The following PTPRN2 variants were observed in gnomAD, a reference collection of about 807,000 sequenced individuals.
PTPRN2 encodes receptor-type tyrosine-protein phosphatase N2.
A neutral mutation model predicts 118.8 loss-of-function variants in PTPRN2; 74 were observed. The ratio of observed to expected loss-of-function variants is 0.62; its 90% confidence interval spans 0.52 to 0.76. The LOEUF (loss-of-function observed/expected upper bound fraction) is 0.76. Ranked by LOEUF, PTPRN2 falls within the 30% of genes least tolerant of loss-of-function variation. PTPRN2 has a pLI of 0.00. For missense variants in PTPRN2, 1,481 were observed against 1,394.4 expected (o/e 1.06, Z -0.99); for synonymous variants, 641 against 608.0 (o/e 1.05, Z -0.80).
At chr7:158,444,153 GA>G (rs1817570042) in intron 2 of PTPRN2, among the ~76,000 whole-genome samples, 1 of 152,202 alleles carries the variant, frequency 6.6e-6, no homozygotes, top group African/African-American at 2.4e-5. Flanking sequence ...CTGCCCCAGG[GA>G]TGCTGCAGCC....
At chr7:158,558,074 T>G (rs1187244326) in intron 1 of PTPRN2, among the ~76,000 whole-genome samples, 1 of 152,182 alleles carries the variant, frequency 6.6e-6, no homozygotes, top group Non-Finnish European at 1.5e-5. Flanking sequence ...AGCCTTGAAC[T>G]TCTGGGCTTG....
intron 11 of PTPRN2, among the ~76,000 whole-genome samples, chr7:158,062,457 C>G (rs972954386): frequency 6.6e-6 from 1 of 152,220 alleles, no homozygotes; most frequent in East Asian, 1.9e-4. Flanking sequence ...TTGGCCTTGG[C>G]GCCCACTCTG....
chr7:158,354,456 A>G (rs1298337679), intron 2 of PTPRN2, among the ~76,000 whole-genome samples: 2 of 149,726 alleles, frequency 1.3e-5, no homozygotes, highest in Non-Finnish European at 2.9e-5. Context: ...GTGATCCCCA[A>G]GATAACACCA....
intron 13 of PTPRN2, among the ~76,000 whole-genome samples, chr7:157,673,366 A>G (rs1796504551): frequency 6.6e-6 from 1 of 152,236 alleles, no homozygotes; most frequent in South Asian, 2.1e-4. Flanking sequence ...AAAGCAGAAA[A>G]GCCACGGAGA....
intron 17 of PTPRN2, among the ~76,000 whole-genome samples, chr7:157,581,667 C>T (rs184434399): frequency 6.6e-6 from 1 of 152,368 alleles, no homozygotes; most frequent in East Asian, 1.9e-4. Context: ...TTTGACCCAA[C>T]TGAGTAAGTT....
At chr7:158,510,443 A>ACTCTCTCT (rs10581746) in intron 1 of PTPRN2, among the ~76,000 whole-genome samples, 4 of 147,534 alleles carry the variant, frequency 2.7e-5, no homozygotes, top group African/African-American at 1.0e-4. Flanking sequence ...GTGTGTGTTT[A>ACTCTCTCT]CTCTCTCTCT....
intron 3 of PTPRN2, among the ~76,000 whole-genome samples, chr7:158,275,514 C>T (rs918034566): frequency 1.4e-4 from 22 of 152,182 alleles, no homozygotes; most frequent in African/African-American, 4.8e-4. Flanking sequence ...ATAAAGGCGT[C>T]GCCCAGAAAA....
intron 3 of PTPRN2, among the ~76,000 whole-genome samples, chr7:158,301,314 G>A (rs963815648): frequency 6.6e-5 from 10 of 152,084 alleles, no homozygotes; most frequent in Admixed American, 2.6e-4. Flanking sequence ...CTGTGTTAAC[G>A]GCTCCTGACA....
intron 3 of PTPRN2, among the ~76,000 whole-genome samples, chr7:158,293,531 G>A (rs1161438924): frequency 1.3e-5 from 2 of 151,680 alleles, no homozygotes; most frequent in South Asian, 2.1e-4. Flanking sequence ...AGCTGAGATC[G>A]CACCACTGTT....
intron 12 of PTPRN2, among the ~76,000 whole-genome samples, chr7:157,705,617 G>T (rs1296105006): frequency 1.3e-5 from 2 of 150,828 alleles, no homozygotes; most frequent in African/African-American, 4.9e-5. Flanking sequence ...GCTGGGAATT[G>T]AGTGAATCTG....
chr7:158,204,234 G>A (rs546757018), intron 4 of PTPRN2, among the ~76,000 whole-genome samples: 2 of 148,494 alleles, frequency 1.3e-5, no homozygotes, highest in South Asian at 2.2e-4. Context: ...CTCGGTGTGC[G>A]CCGCTTGCTG....
intron 6 of PTPRN2, among the ~76,000 whole-genome samples, chr7:158,151,616 A>T (rs947505288): frequency 1.2e-4 from 18 of 152,068 alleles, no homozygotes; most frequent in Non-Finnish European, 2.5e-4. Flanking sequence ...CCCTTCAGGG[A>T]CAGATGAGAG....
intron 12 of PTPRN2, among the ~76,000 whole-genome samples, chr7:157,875,733 G>C (rs114145352): frequency 0.016 from 2,426 of 152,104 alleles, 70 homozygotes; most frequent in African/African-American, 0.056. Context: ...GCATCCCCAG[G>C]GGGGCACGGG....
chr7:157,970,637 C>CCA (rs1554503308), intron 11 of PTPRN2, among the ~76,000 whole-genome samples: 1 of 23,404 alleles, frequency 4.3e-5, no homozygotes, highest in African/African-American at 2.9e-4. Context: ...TCAGAGCGGA[C>CCA]CCCCCCCCCC....
At chr7:158,326,606 G>T in intron 2 of PTPRN2, among the ~76,000 whole-genome samples, 1 of 146,688 alleles carries the variant, frequency 6.8e-6, no homozygotes, top group Admixed American at 6.8e-5. Flanking sequence ...ACAGGCACAC[G>T]TTCTCACACA....
At chr7:158,031,908 A>C (rs1442071833) in intron 11 of PTPRN2, among the ~76,000 whole-genome samples, 1 of 152,258 alleles carries the variant, frequency 6.6e-6, no homozygotes, top group East Asian at 1.9e-4. Context: ...GCTGCTCTGC[A>C]GCCGGCGCTC....
At chr7:157,812,135 G>A (rs4716503) in intron 12 of PTPRN2, among the ~76,000 whole-genome samples, 29,772 of 152,152 alleles carry the variant, frequency 0.2, 3,044 homozygotes, top group Middle Eastern at 0.29. Flanking sequence ...GTGCACACAG[G>A]TGAGCAGAGG....
rs567747816 is a variant in PTPRN2, at chr7:158,485,089, G to A, written c.163+4646C>T. ...ACACCCTGCAACGGCCCGCAGGCCC[G>A]TGTCACCTGGGCCACCGAGCGCAGG... On this transcript the variant is annotated intron_variant, in intron 2 of 22. Coordinates refer to ENST00000389418, the MANE Select transcript of PTPRN2 (RefSeq NM_002847.5). Among the ~76,000 whole-genome samples the A allele has an allele frequency of 3.9e-5, 6 of 152,186 alleles. No individual in the cohort carries two copies. The South Asian group carries it at 1.2e-3, about 32-fold the overall frequency.
chr7:158,569,800 G>A (rs1827893590), intron 1 of PTPRN2, among the ~76,000 whole-genome samples: 1 of 134,536 alleles, frequency 7.4e-6, no homozygotes, highest in African/African-American at 2.8e-5. Flanking sequence ...TGACTGACAG[G>A]AACGCGGGGC....
Sources: gnomAD v4.1 joint callset for allele counts (sites outside exome capture counted in the v4.1 genomes callset) on GRCh38, gnomAD v4.1.1 for gene constraint, MANE v1.5 for transcripts, NCBI Gene and HGNC (gene_info 2026-07-23, HGNC 2026-07-21) for gene names.